Variants in N4BP2 observed in about 807,000 individuals in gnomAD.
N4BP2 encodes NEDD4-binding protein 2.
In N4BP2, 91 loss-of-function variants were observed where a neutral mutation model predicts 152.8. That is an observed-to-expected ratio of 0.60 (90% CI 0.50 to 0.71). N4BP2 has a LOEUF of 0.71. N4BP2 is among the 30% of genes least tolerant of loss of function. The probability of loss-of-function intolerance (pLI) is 0.00; values close to 1 mark genes in which losing one functional copy is unlikely to be tolerated. For missense variants in N4BP2, 1,923 were observed against 2,059.1 expected, an observed-to-expected ratio of 0.93 and a Z score of 1.28; for synonymous variants, 646 against 705.3, an observed-to-expected ratio of 0.92 and a Z score of 1.33.
At chr4:40,183,408 T>C in the N4BP2 span, among the ~76,000 whole-genome samples, 1 of 151,452 alleles carries the variant, frequency 6.6e-6, no homozygotes, top group Non-Finnish European at 1.5e-5. Flanking sequence ...CGATCTCTGC[T>C]CACTGCAAGC....
At chr4:40,067,356 CTTT>C (rs34777132) in intron 1 of N4BP2, among the ~76,000 whole-genome samples, 8 of 145,502 alleles carry the variant, frequency 5.5e-5, no homozygotes, top group Admixed American at 6.9e-5. Context: ...GCCTGGCCTC[CTTT>C]TTTTTTTTTT....
At chr4:40,093,656 G>A (rs1295244256) in intron 2 of N4BP2, among the ~76,000 whole-genome samples, 1 of 150,226 alleles carries the variant, frequency 6.7e-6, no homozygotes, top group Non-Finnish European at 1.5e-5. Context: ...TGCTCTTGTC[G>A]CCCAGGCTGG....
rs1482720242 is a variant in N4BP2 at position 40,122,064 on chromosome 4, C to T, written c.3953C>T (p.Pro1318Leu). ...SLEIKRNENFPKDYVKFSDEE... is the reference protein window; with the variant it reads ...SLEIKRNENFLKDYVKFSDEE... The stretch of plus-strand genomic sequence containing the variant: ...GAAATAAAGAGAAATGAAAATTTTC[C>T]AAAGGATTATGTGAAATTTTCAGAT... Residue 1318 changes from proline (P) to leucine (L), a missense_variant, in exon 9 of 18, where the codon CCA becomes CTA. By Grantham distance (98) the Pro-to-Leu change is moderately conservative. Transcript: ENST00000261435. 3.2e-6 allele frequency: 5 copies of T among 1,544,598 alleles called. No homozygotes were observed. Among genetic ancestry groups the T allele is most frequent in the Non-Finnish European group, 3.5e-6 (4 of 1,145,094 alleles).
chr4:40,140,882 G>A (rs1485079451), intron 14 of N4BP2, among the ~76,000 whole-genome samples: 2 of 150,304 alleles, frequency 1.3e-5, no homozygotes, highest in Non-Finnish European at 3.0e-5. Flanking sequence ...CACAGCACAT[G>A]TTGCAGAGAG....
At chr4:40,148,119 T>C (rs976021900) in intron 16 of N4BP2, among the ~76,000 whole-genome samples, 1 of 152,106 alleles carries the variant, frequency 6.6e-6, no homozygotes, top group Non-Finnish European at 1.5e-5. Flanking sequence ...GTGGAGGTTG[T>C]AGCGAGCCGA....
chr4:40,088,691 G>A (rs1036484588), intron 2 of N4BP2, among the ~76,000 whole-genome samples: 1 of 151,890 alleles, frequency 6.6e-6, no homozygotes, highest in African/African-American at 2.4e-5. Context: ...CTAGAAACGG[G>A]GTTTCTCCTT....
intron 3 of N4BP2, chr4:40,100,005 C>T (rs958334527): frequency 4.4e-6 from 2 of 454,328 alleles, no homozygotes; most frequent in Non-Finnish European, 8.8e-6. Context: ...AGGCTTGCCC[C>T]CTCCAATCCC....
intron 14 of N4BP2, among the ~76,000 whole-genome samples, chr4:40,141,202 G>C (rs946576667): frequency 3.4e-5 from 5 of 147,778 alleles, no homozygotes; most frequent in African/African-American, 9.9e-5. Flanking sequence ...GGAGGGGGCG[G>C]CTGGCCTGGC....
intron 2 of N4BP2, among the ~76,000 whole-genome samples, chr4:40,077,650 C>T (rs1712894862): frequency 2.0e-5 from 3 of 151,830 alleles, no homozygotes; most frequent in Non-Finnish European, 4.4e-5. Flanking sequence ...GGTGGGGTTT[C>T]ACTATGTTGA....
Position 40,102,948 on chromosome 4 carries a change from C to T in N4BP2, c.1103C>T (p.Pro368Leu). 6.2e-7 allele frequency: 1 copy of T among 1,614,214 alleles called. No individual in the cohort carries two copies. Among genetic ancestry groups the T allele is most frequent in the Admixed American group, 1.7e-5 (1 of 60,026 alleles). ...CCACCGATGTGGAATCCAATGATTCCTGCTTTTGACCTCTTCCAAGGAAAC... is the reference window on the plus strand; with the variant it reads ...CCACCGATGTGGAATCCAATGATTCTTGCTTTTGACCTCTTCCAAGGAAAC... ...PPPPMWNPMI[P>L]AFDLFQGNHG... The change falls in exon 4 of 18, where the codon CCT becomes CTT. Residue 368 changes from proline (P) to leucine (L), a missense_variant. Physicochemically the swap from Pro to Leu is moderately conservative, Grantham distance 98. Transcript: ENST00000261435.
the N4BP2 span, among the ~76,000 whole-genome samples, chr4:40,182,618 A>T: frequency 1.3e-5 from 2 of 148,726 alleles, no homozygotes; most frequent in South Asian, 4.3e-4. Context: ...CCGGGCTAAA[A>T]TTTTTTTTTT....
intron 2 of N4BP2, among the ~76,000 whole-genome samples, chr4:40,076,100 A>G (rs1417809108): frequency 2.0e-5 from 3 of 152,244 alleles, no homozygotes; most frequent in Non-Finnish European, 4.4e-5. Flanking sequence ...TGCTGGAATT[A>G]GAGGTGTGAG....
chr4:40,153,424 G>A (rs1165362163), intron 17 of N4BP2, among the ~76,000 whole-genome samples: 4 of 152,144 alleles, frequency 2.6e-5, no homozygotes, highest in Non-Finnish European at 5.9e-5. Context: ...CAGTTAATAT[G>A]AATTTATTTG....
At chr4:40,084,695 T>C (rs191706737) in intron 2 of N4BP2, among the ~76,000 whole-genome samples, 1,713 of 150,266 alleles carry the variant, frequency 0.011, 40 homozygotes, top group African/African-American at 0.04. Flanking sequence ...AGTGGCATGA[T>C]CTTGGCTCAC....
the N4BP2 span, among the ~76,000 whole-genome samples, chr4:40,173,988 GAA>G: frequency 6.6e-6 from 1 of 151,920 alleles, no homozygotes; most frequent in East Asian, 1.9e-4. Context: ...ATGCTTGTGA[GAA>G]AAAAACACTA....
intron 3 of N4BP2, 26 bp from the exon 4 acceptor site, chr4:40,102,049 T>A (rs751187193): frequency 1.4e-6 from 2 of 1,392,508 alleles, no homozygotes; most frequent in Admixed American, 4.7e-5. Flanking sequence ...ATTTTTGTTG[T>A]TGTTATTATT....
intron 3 of N4BP2, among the ~76,000 whole-genome samples, chr4:40,099,884 CT>C (rs1393883723): frequency 1.3e-5 from 2 of 151,334 alleles, no homozygotes; most frequent in Non-Finnish European, 2.9e-5. Context: ...CTTACGTTTG[CT>C]TTCTTTTTTT....
In N4BP2 at chr4:40,112,149, G is replaced by A. The variant is rs1716947526; in HGVS notation, c.1564G>A (p.Glu522Lys). ...AGATAATACAAACCTACAGGCATGG[G>A]AAATGAAACCATATGTTGCTTTGGT... ...IIDNTNLQAW[E>K]MKPYVALSQK... Residue 522 changes from glutamate (E) to lysine (K), a missense_variant, in exon 6 of 18, where the codon GAA becomes AAA. Physicochemically the swap from Glu to Lys is moderately conservative, Grantham distance 56. Coordinates refer to ENST00000261435, the MANE Select transcript of N4BP2 (RefSeq NM_018177.6). 3.2e-6 allele frequency: 5 copies of A among 1,575,740 alleles called. No individual in the cohort carries two copies. Among genetic ancestry groups the A allele is most frequent in the Non-Finnish European group, 4.3e-6 (5 of 1,154,436 alleles).
chr4:40,145,086 AAT>A (rs1720390386), intron 16 of N4BP2, among the ~76,000 whole-genome samples: 1 of 152,230 alleles, frequency 6.6e-6, no homozygotes, highest in Non-Finnish European at 1.5e-5. Flanking sequence ...ACCTTTCAGG[AAT>A]ATTACATATC....
Sources: allele counts gnomAD v4.1 joint callset (sites outside exome capture counted in the v4.1 genomes callset), GRCh38; gene constraint gnomAD v4.1.1; transcripts MANE v1.5; gene names NCBI Gene and HGNC (gene_info 2026-07-23, HGNC 2026-07-21).